SYTL5: variants seen among roughly 807,000 people sequenced by gnomAD.
SYTL5 encodes the protein synaptotagmin like 5, also known as synaptotagmin-like protein 5.
A neutral mutation model predicts 55.9 loss-of-function variants in SYTL5; 34 were observed. That is an observed-to-expected ratio of 0.61 (90% CI 0.46 to 0.81). The LOEUF (loss-of-function observed/expected upper bound fraction) is 0.81, where lower values mean the gene tolerates loss of function less well. Ranked by LOEUF, SYTL5 falls within the 30% of genes least tolerant of loss-of-function variation. The pLI is 0.00. For missense variants in SYTL5, 637 were observed against 546.7 expected, an observed-to-expected ratio of 1.17 and a Z score of -1.65; for synonymous variants, 221 against 188.7, an observed-to-expected ratio of 1.17 and a Z score of -1.40.
At chrX:37,891,436 A>T in the SYTL5 span, among the ~76,000 whole-genome samples, 1 of 111,982 alleles carries the variant, frequency 8.9e-6, no homozygotes, top group Non-Finnish European at 1.9e-5. Flanking sequence ...AACTCGGTAG[A>T]GGTAGAAAGT....
chrX:37,923,160 CT>C, the SYTL5 span, among the ~76,000 whole-genome samples: 1 of 112,958 alleles, frequency 8.9e-6, no homozygotes, highest in Admixed American at 9.4e-5. Flanking sequence ...CAGATGTCCA[CT>C]TATTCCCCTG....
At position 38,126,798 on chromosome X, in the gene SYTL5, C is replaced by T. The variant is rs1191220592; in HGVS notation, c.*68C>T. On this transcript the variant is annotated 3_prime_UTR_variant, in exon 17 of 17. Transcript: ENST00000297875. ...GCTGTCTTTTCCTACCATTAGCAAA[C>T]TGAGACCTGGGATTCTGCTTCCCTG... The T allele has an allele frequency of 2.8e-6, 3 of 1,070,455 alleles. No homozygotes were observed. The highest frequency in any genetic ancestry group is 3.8e-6 in the Non-Finnish European group (3 of 797,096). The allele number at this position is 1,070,455 out of a possible 1,213,427, so 88.2% of individuals were successfully genotyped here.
the SYTL5 span, among the ~76,000 whole-genome samples, chrX:37,893,662 C>CTA: frequency 3.7e-5 from 2 of 54,296 alleles, no homozygotes; most frequent in Non-Finnish European, 5.3e-5. Flanking sequence ...TATATAAAAT[C>CTA]TATATATATA....
rs375233532 is a variant in SYTL5, at chrX:38,122,175, G to A, written c.1801G>A (p.Ala601Thr). 11 of 1,207,147 alleles carry A rather than the reference G, an allele frequency of 9.1e-6. No individual in the cohort carries two copies. Among genetic ancestry groups the A allele is most frequent in the Middle Eastern group, 4.6e-4 (2 of 4,350 alleles). The change falls in exon 15 of 17, where the codon GCA becomes ACA. Residue 601 changes from alanine to threonine, a missense_variant. By Grantham distance (58) the Ala-to-Thr change is moderately conservative. Transcript: ENST00000297875. ...VFIKEAKNLT[A>T]VKSGGTSDSF... ...CATCAAAGAGGCAAAGAATTTGACA[G>A]CAGTGAAGTCAGGAGGCACTTCTGA...
intron 5 of SYTL5, among the ~76,000 whole-genome samples, chrX:38,073,937 T>C (rs919123368): frequency 8.9e-6 from 1 of 111,891 alleles, no homozygotes; most frequent in South Asian, 3.8e-4. Context: ...ATTTGACATA[T>C]CCAGTCTTGC....
chrX:38,054,664 T>TA (rs2147305134), intron 3 of SYTL5, among the ~76,000 whole-genome samples: 1 of 108,228 alleles, frequency 9.2e-6, no homozygotes, highest in Admixed American at 1.0e-4. Flanking sequence ...GAATATTTTT[T>TA]TAAAAATTGC....
the SYTL5 span, among the ~76,000 whole-genome samples, chrX:37,958,527 C>T: frequency 9.0e-6 from 1 of 111,479 alleles, no homozygotes; most frequent in African/African-American, 3.3e-5. Context: ...GTTTCCAACA[C>T]ACACACGACA....
At chrX:37,975,909 ATCT>A in the SYTL5 span, among the ~76,000 whole-genome samples, 4 of 111,381 alleles carry the variant, frequency 3.6e-5, no homozygotes, top group Non-Finnish European at 7.5e-5. Context: ...ATGAAACTAA[ATCT>A]TCGTCAGCAC....
the SYTL5 span, among the ~76,000 whole-genome samples, chrX:37,932,184 A>G: frequency 4.5e-5 from 5 of 112,106 alleles, no homozygotes; most frequent in Non-Finnish European, 7.5e-5. Context: ...CGAAGTCTGT[A>G]TGATGCACAT....
chrX:38,072,148 TAAG>T lies in SYTL5; in HGVS notation c.438_440del (p.Arg146del), dbSNP rs771966262. On this transcript the variant is annotated inframe_deletion, in exon 4 of 17. Coordinates refer to ENST00000297875, the MANE Select transcript of SYTL5 (RefSeq NM_138780.3). ...ACTGATGTTGTCCGACAGTCCATTT[TAAG>T]AAGAAGTCCAGGTAATTAAAGCAAT... 23 of 1,199,913 alleles carry T rather than the reference TAAG, an allele frequency of 1.9e-5. No homozygotes were observed. Among genetic ancestry groups the T allele is most frequent in the Middle Eastern group, 2.3e-4 (1 of 4,340 alleles).
chrX:38,068,894 C>A (rs1936179348), intron 3 of SYTL5, among the ~76,000 whole-genome samples: 1 of 111,640 alleles, frequency 9.0e-6, no homozygotes, highest in African/African-American at 3.3e-5. Context: ...CAAACCTGTA[C>A]ATGTACCCTA....
the SYTL5 span, among the ~76,000 whole-genome samples, chrX:37,928,355 C>A: frequency 8.9e-6 from 1 of 111,960 alleles, no homozygotes; most frequent in African/African-American, 3.3e-5. Context: ...CATACCCTCA[C>A]ACCGGGGGTC....
chrX:37,933,955 G>A, the SYTL5 span, among the ~76,000 whole-genome samples: 1 of 111,118 alleles, frequency 9.0e-6, no homozygotes, highest in Non-Finnish European at 1.9e-5. Flanking sequence ...AGACTTATTG[G>A]TTTCAGACAT....
intron 5 of SYTL5, among the ~76,000 whole-genome samples, chrX:38,074,203 A>G (rs1376942294): frequency 2.7e-5 from 3 of 112,327 alleles, no homozygotes; most frequent in African/African-American, 9.7e-5. Context: ...TGAATACAGA[A>G]TATGGATGCC....
At chrX:38,098,259 A>G (rs775597021) in intron 9 of SYTL5, among the ~76,000 whole-genome samples, 2 of 111,795 alleles carry the variant, frequency 1.8e-5, no homozygotes, top group South Asian at 7.3e-4. Flanking sequence ...TGAAAAGTCA[A>G]GCCACAGACT....
At chrX:38,097,014 T>G (rs1376826594) in intron 9 of SYTL5, among the ~76,000 whole-genome samples, 4 of 111,552 alleles carry the variant, frequency 3.6e-5, no homozygotes, top group Admixed American at 9.5e-5. Context: ...ATTCGTGATC[T>G]TAGAAAACCA....
chrX:37,904,823 C>T, the SYTL5 span, among the ~76,000 whole-genome samples: 3 of 111,133 alleles, frequency 2.7e-5, no homozygotes, highest in Admixed American at 9.5e-5. Context: ...ATGCTGTCCT[C>T]AAGTTGAGAA....
the SYTL5 span, among the ~76,000 whole-genome samples, chrX:37,998,577 C>A: frequency 8.9e-6 from 1 of 111,927 alleles, no homozygotes; most frequent in Non-Finnish European, 1.9e-5. Context: ...GTGGCTGAAC[C>A]CCACGCTTCC....
the SYTL5 span, among the ~76,000 whole-genome samples, chrX:37,965,804 A>G: frequency 8.9e-6 from 1 of 112,391 alleles, no homozygotes; most frequent in South Asian, 3.6e-4. Context: ...GGGTGCATAT[A>G]TATTTATAGT....
Sources: gnomAD v4.1 joint callset for allele counts (sites outside exome capture counted in the v4.1 genomes callset) on GRCh38, gnomAD v4.1.1 for gene constraint, MANE v1.5 for transcripts, NCBI Gene and HGNC (gene_info 2026-07-23, HGNC 2026-07-21) for gene names.